ITPR1: variants seen among roughly 807,000 people sequenced by gnomAD.
ITPR1 encodes the protein inositol 1,4,5-trisphosphate receptor type 1, also known as inositol 1,4,5-trisphosphate-gated calcium channel ITPR1.
A neutral mutation model predicts 318.4 loss-of-function variants in ITPR1; 96 were observed. The ratio of observed to expected loss-of-function variants is 0.30; its 90% CI spans 0.26 to 0.36. ITPR1 has a LOEUF of 0.36. Among genes scored for constraint, ITPR1 ranks in the 10% least tolerant of loss-of-function variants. The probability of loss-of-function intolerance (pLI) is 1.00; values close to 1 mark genes in which losing one functional copy is unlikely to be tolerated. For missense variants in ITPR1, 2,440 were observed against 3,460.2 expected (o/e 0.71, Z 7.40); for synonymous variants, 1,312 against 1,289.9 (o/e 1.02, Z -0.37).
chr3:4,800,218 C>T, intron 53 of ITPR1: 2 of 536,586 alleles, frequency 3.7e-6, no homozygotes, highest in South Asian at 5.4e-5. Context: ...GGAAGAACTT[C>T]CCAGCAGAAG....
intron 57 of ITPR1, 41 bp downstream of exon 57, chr3:4,813,275 T>G: frequency 7.1e-7 from 1 of 1,400,090 alleles, no homozygotes; most frequent in Non-Finnish European, 1.0e-6. Context: ...AATATCGGAC[T>G]CCTCCAGAGG....
intron 44 of ITPR1, 78 bp downstream of exon 44, chr3:4,735,432 G>C: frequency 2.4e-6 from 3 of 1,258,924 alleles, no homozygotes; most frequent in Non-Finnish European, 3.5e-6. Context: ...CAGATGTCTG[G>C]GTGGTACCAA....
intron 5 of ITPR1, among the ~76,000 whole-genome samples, chr3:4,628,396 T>A (rs1221202750): frequency 6.6e-6 from 1 of 152,184 alleles, no homozygotes. Context: ...ATCTGGCATA[T>A]TAAAGATGTG....
chr3:4,683,062 C>T (rs1416453582), intron 26 of ITPR1, among the ~76,000 whole-genome samples: 2 of 152,168 alleles, frequency 1.3e-5, no homozygotes, highest in Admixed American at 6.5e-5. Context: ...AGGAGAAACA[C>T]ATCCTCTTGC....
At chr3:4,777,983 G>A (rs895321165) in intron 48 of ITPR1, among the ~76,000 whole-genome samples, 16 of 152,226 alleles carry the variant, frequency 1.1e-4, no homozygotes, top group Admixed American at 1.3e-4. Context: ...GGGACTGCAG[G>A]TGACTGATGT....
chr3:4,741,501 C>T (rs1369359780), intron 44 of ITPR1, among the ~76,000 whole-genome samples: 1 of 151,714 alleles, frequency 6.6e-6, no homozygotes, highest in East Asian at 1.9e-4. Flanking sequence ...GCAAATTCAG[C>T]AGAGAGAGTG....
intron 52 of ITPR1, among the ~76,000 whole-genome samples, chr3:4,791,859 T>C (rs2047576617): frequency 6.6e-6 from 1 of 152,168 alleles, no homozygotes; most frequent in African/African-American, 2.4e-5. Context: ...GCCTGAGAGA[T>C]TGGGGGATGG....
chr3:4,507,121 A>G (rs906242663), intron 2 of ITPR1, among the ~76,000 whole-genome samples: 1 of 147,378 alleles, frequency 6.8e-6, no homozygotes, highest in Non-Finnish European at 1.5e-5. Flanking sequence ...TTTTTTTGCG[A>G]ATCACTTTGA....
Position 4,815,228 on chromosome 3 carries a change from G to C in ITPR1, c.7867+10G>C. ...ACGTGCTTTATCTGTGGTGAGTGTC[G>C]CTGGCCAGCTCCAGCAAGGGCGTGA... On this transcript the variant is annotated intron_variant, in intron 59 of 61. Transcript: ENST00000649015. 6.2e-7 allele frequency: 1 copy of C among 1,612,878 alleles called. No individual in the cohort carries two copies. Among genetic ancestry groups the C allele is most frequent in the Non-Finnish European group, 8.5e-7 (1 of 1,179,174 alleles).
intron 39 of ITPR1, among the ~76,000 whole-genome samples, chr3:4,714,753 A>G (rs1008845173): frequency 1.3e-5 from 2 of 152,324 alleles, no homozygotes; most frequent in African/African-American, 2.4e-5. Context: ...TACTTAGTCA[A>G]GGTCACAGAT....
chr3:4,668,860 C>T lies in ITPR1; in HGVS notation c.1887-794C>T, dbSNP rs372984640. Among the ~76,000 whole-genome samples the T allele has an allele frequency of 2.0e-5, 3 of 152,316 alleles. No individual in the cohort carries two copies. The East Asian group carries it at 5.8e-4, about 29-fold the overall frequency. On this transcript the variant is annotated intron_variant, in intron 18 of 61. Transcript: ENST00000649015. ...CTTGCAAGTTCAGTTGTTGGTTGAGCGTTTTTATTATAGATTAGTGAATTC... is the reference window on the plus strand; with the variant it reads ...CTTGCAAGTTCAGTTGTTGGTTGAGTGTTTTTATTATAGATTAGTGAATTC...
intron 44 of ITPR1, among the ~76,000 whole-genome samples, chr3:4,754,057 G>T (rs562960259): frequency 4.6e-5 from 6 of 131,092 alleles, no homozygotes; most frequent in South Asian, 5.0e-4. Flanking sequence ...ATGGGGGGGG[G>T]GTGGCAAGGA....
intron 61 of ITPR1, 66 bp downstream of exon 61, chr3:4,837,001 C>T (rs756349645): frequency 6.7e-6 from 9 of 1,348,596 alleles, no homozygotes; most frequent in Non-Finnish European, 8.9e-6. Flanking sequence ...ACTATCACCA[C>T]ACCAAATCTG....
intron 2 of ITPR1, among the ~76,000 whole-genome samples, chr3:4,511,398 A>T (rs1338608433): frequency 6.6e-6 from 1 of 152,178 alleles, no homozygotes; most frequent in African/African-American, 2.4e-5. Flanking sequence ...CAAAGCTGCC[A>T]CAGCCTCCCT....
At chr3:4,739,892 G>A (rs1020938771) in intron 44 of ITPR1, among the ~76,000 whole-genome samples, 1 of 152,150 alleles carries the variant, frequency 6.6e-6, no homozygotes, top group African/African-American at 2.4e-5. Context: ...TCAGCTGGGG[G>A]TACTGCCTGG....
chr3:4,645,781 T>C (rs776575087), intron 10 of ITPR1, 53 bp downstream of exon 10: 2 of 1,418,814 alleles, frequency 1.4e-6, no homozygotes, highest in East Asian at 5.0e-5. Context: ...TCAGCCTGTA[T>C]ATAGGCTCTC....
chr3:4,737,129 G>A (rs1156357596), intron 44 of ITPR1, among the ~76,000 whole-genome samples: 2 of 152,022 alleles, frequency 1.3e-5, no homozygotes, highest in African/African-American at 4.8e-5. Context: ...GGCCAAATTA[G>A]AAGTTGGAAA....
intron 37 of ITPR1, among the ~76,000 whole-genome samples, chr3:4,708,902 G>A (rs1286879331): frequency 6.6e-6 from 1 of 152,068 alleles, no homozygotes; most frequent in Non-Finnish European, 1.5e-5. Context: ...ATCTTTCCCC[G>A]CCCATTGCTT....
chr3:4,528,078 G>A (rs887632241), intron 4 of ITPR1, among the ~76,000 whole-genome samples: 1 of 152,100 alleles, frequency 6.6e-6, no homozygotes, highest in Non-Finnish European at 1.5e-5. Context: ...GTTAAATATA[G>A]GGGAAAGAGC....
Sources: gnomAD v4.1 joint callset for allele counts (sites outside exome capture counted in the v4.1 genomes callset) on GRCh38, gnomAD v4.1.1 for gene constraint, MANE v1.5 for transcripts, NCBI Gene and HGNC (gene_info 2026-07-23, HGNC 2026-07-21) for gene names.